The following ASTN2 variants were observed in gnomAD, a reference collection of about 807,000 sequenced individuals.
The protein encoded by ASTN2 is astrotactin-2.
ASTN2 carries 54 observed loss-of-function variants against 139.8 expected under a neutral mutation model. The observed-to-expected ratio is 0.39, with a 90% confidence interval of 0.31 to 0.48. The LOEUF (loss-of-function observed/expected upper bound fraction) is 0.48, where lower values mean the gene tolerates loss of function less well. ASTN2 is among the 20% of genes least tolerant of loss of function. The probability of loss-of-function intolerance (pLI) is 0.95; values close to 1 mark genes in which losing one functional copy is unlikely to be tolerated. For missense variants in ASTN2, 1,565 were observed against 1,725.1 expected (o/e 0.91, Z 1.64); for synonymous variants, 756 against 719.5 (o/e 1.05, Z -0.81).
At chr9:117,136,690 C>T (rs1296883686) in intron 4 of ASTN2, among the ~76,000 whole-genome samples, 1 of 152,108 alleles carries the variant, frequency 6.6e-6, no homozygotes, top group African/African-American at 2.4e-5. Flanking sequence ...GACAATGAGA[C>T]CTCAACCAAG....
chr9:117,247,667 A>G (rs1197205951), intron 2 of ASTN2, among the ~76,000 whole-genome samples: 1 of 152,266 alleles, frequency 6.6e-6, no homozygotes, highest in Non-Finnish European at 1.5e-5. Context: ...GGAGGCTGCA[A>G]TGTGGTGACA....
At chr9:117,357,215 T>C (rs1292152200) in intron 1 of ASTN2, among the ~76,000 whole-genome samples, 1 of 152,186 alleles carries the variant, frequency 6.6e-6, no homozygotes, top group East Asian at 1.9e-4. Flanking sequence ...AAAAATGTAT[T>C]TTTAAGTCAA....
Position 117,395,212 on chromosome 9 carries a change from C to G in ASTN2, c.442+19285G>C, listed in dbSNP as rs183426784. 2.8e-3 allele frequency among the ~76,000 whole-genome samples: 427 copies of G among 152,238 alleles called. 1 individual carries two copies. The highest frequency in any genetic ancestry group is 4.6e-3 in the Non-Finnish European group (313 of 68,018). The stretch of plus-strand genomic sequence containing the variant: ...CATAATCATTTGTCAGCCCATTAAC[C>G]TATATAGCAGGACTCCTTCCCCAAA... On this transcript the variant is annotated intron_variant, in intron 1 of 22. Transcript: ENST00000313400.
At chr9:117,051,226 TAA>T (rs11317018) in intron 5 of ASTN2, among the ~76,000 whole-genome samples, 2 of 151,192 alleles carry the variant, frequency 1.3e-5, no homozygotes, top group African/African-American at 4.9e-5. Flanking sequence ...GCTTATTAAC[TAA>T]AAAAAAAATG....
chr9:117,229,903 G>A (rs554109661), intron 2 of ASTN2, among the ~76,000 whole-genome samples: 23 of 152,250 alleles, frequency 1.5e-4, no homozygotes, highest in Admixed American at 1.2e-3. Context: ...AGCATGTTGC[G>A]AGGCTGAAGT....
intron 19 of ASTN2, chr9:116,613,359 C>T (rs1855655258): frequency 6.6e-6 from 1 of 152,162 alleles, no homozygotes; most frequent in African/African-American, 2.4e-5. Flanking sequence ...AGAGGGAATC[C>T]TCCCTAATTC....
chr9:117,139,931 G>A (rs1434046909), intron 4 of ASTN2, among the ~76,000 whole-genome samples: 1 of 152,152 alleles, frequency 6.6e-6, no homozygotes, highest in East Asian at 1.9e-4. Context: ...CAACATAATA[G>A]TACATAGTCG....
chr9:116,820,380 T>A (rs1831452736), intron 12 of ASTN2, among the ~76,000 whole-genome samples: 1 of 152,236 alleles, frequency 6.6e-6, no homozygotes. Context: ...GGGCATGGGT[T>A]ATATTTATTA....
At chr9:116,809,445 C>A (rs779981958) in intron 12 of ASTN2, among the ~76,000 whole-genome samples, 1 of 152,078 alleles carries the variant, frequency 6.6e-6, no homozygotes, top group Non-Finnish European at 1.5e-5. Context: ...TATATTCCTG[C>A]AGTAATTCCA....
intron 1 of ASTN2, among the ~76,000 whole-genome samples, chr9:117,309,734 A>C (rs1017153419): frequency 2.0e-5 from 3 of 152,272 alleles, no homozygotes; most frequent in Non-Finnish European, 4.4e-5. Flanking sequence ...TTCCCATAGA[A>C]TTCACTCTGA....
intron 20 of ASTN2, among the ~76,000 whole-genome samples, chr9:116,457,660 AC>A (rs1368003639): frequency 6.6e-6 from 1 of 152,182 alleles, no homozygotes; most frequent in Non-Finnish European, 1.5e-5. Flanking sequence ...ATGTCATCTC[AC>A]CCCAGTTAAA....
At chr9:117,411,032 G>A (rs1831143474) in intron 1 of ASTN2, among the ~76,000 whole-genome samples, 2 of 152,112 alleles carry the variant, frequency 1.3e-5, no homozygotes, top group Admixed American at 6.5e-5. Flanking sequence ...CAGAATACCA[G>A]TTTAGCAACC....
intron 13 of ASTN2, among the ~76,000 whole-genome samples, chr9:116,788,275 C>A (rs1438354931): frequency 6.6e-6 from 1 of 152,004 alleles, no homozygotes; most frequent in East Asian, 1.9e-4. Flanking sequence ...AGTGTGGTGA[C>A]CATCGTTAAT....
intron 1 of ASTN2, among the ~76,000 whole-genome samples, chr9:117,335,367 T>C (rs1828850977): frequency 6.6e-6 from 1 of 152,204 alleles, no homozygotes; most frequent in Non-Finnish European, 1.5e-5. Flanking sequence ...TAAGCTCCTA[T>C]GTTTGGCAAG....
At chr9:117,041,265 CT>C (rs1204478186) in intron 5 of ASTN2, among the ~76,000 whole-genome samples, 1 of 151,676 alleles carries the variant, frequency 6.6e-6, no homozygotes, top group African/African-American at 2.4e-5. Flanking sequence ...TTTTTTTTTA[CT>C]GCTAGGCTCT....
chr9:116,637,926 T>C (rs1857149492), intron 17 of ASTN2, among the ~76,000 whole-genome samples: 2 of 152,190 alleles, frequency 1.3e-5, no homozygotes, highest in East Asian at 3.9e-4. Context: ...GGTGACAGAG[T>C]GAGACCTGGT....
intron 1 of ASTN2, among the ~76,000 whole-genome samples, chr9:117,374,554 T>C (rs1271586669): frequency 1.3e-5 from 2 of 151,988 alleles, no homozygotes; most frequent in Admixed American, 1.3e-4. Context: ...GCTGCAAGGC[T>C]TGAAAATTAA....
chr9:117,094,315 A>C (rs959763964), intron 5 of ASTN2, among the ~76,000 whole-genome samples: 2 of 152,132 alleles, frequency 1.3e-5, no homozygotes, highest in Non-Finnish European at 2.9e-5. Flanking sequence ...GGGTTAAATC[A>C]TTCATCTCGA....
chr9:117,348,539 C>CT (rs970158752), intron 1 of ASTN2, among the ~76,000 whole-genome samples: 15 of 152,150 alleles, frequency 9.9e-5, no homozygotes, highest in African/African-American at 3.1e-4. Context: ...GATCTATTTA[C>CT]TGTAAAGTTG....
Sources: gnomAD v4.1 joint callset for allele counts (sites outside exome capture counted in the v4.1 genomes callset) on GRCh38, gnomAD v4.1.1 for gene constraint, MANE v1.5 for transcripts, NCBI Gene and HGNC (gene_info 2026-07-23, HGNC 2026-07-21) for gene names.